The following SOX6 variants were observed in gnomAD, a reference collection of about 807,000 sequenced individuals.
SOX6 encodes the protein transcription factor SOX-6.
In SOX6, 11 loss-of-function variants were observed where a neutral mutation model predicts 97.8. The observed-to-expected ratio is 0.11, with a 90% CI of 0.07 to 0.19. The LOEUF (loss-of-function observed/expected upper bound fraction) is 0.19. SOX6 is among the 10% of genes least tolerant of loss of function. SOX6 has a pLI of 1.00. For missense variants in SOX6, 810 were observed against 1,039.5 expected, an observed-to-expected ratio of 0.78 and a Z score of 3.04; for synonymous variants, 360 against 371.4, an observed-to-expected ratio of 0.97 and a Z score of 0.35.
At chr11:16,338,347 C>A (rs1344729524) in intron 2 of SOX6, among the ~76,000 whole-genome samples, 1 of 151,878 alleles carries the variant, frequency 6.6e-6, no homozygotes, top group Non-Finnish European at 1.5e-5. Flanking sequence ...TCCTCCCACT[C>A]CAACACACAC....
At position 16,625,953 on chromosome 11, in the gene SOX6, G is replaced by A. The variant is rs2133992163; in HGVS notation, n.430-13693C>T. 2.0e-5 allele frequency among the ~76,000 whole-genome samples: 3 copies of A among 152,274 alleles called. No individual in the cohort carries two copies. In the South Asian group the frequency reaches 6.2e-4, roughly 32 times the overall value. On this transcript the variant is annotated intron_variant and non_coding_transcript_variant, in intron 3 of 5. Coordinates refer to the SOX6 transcript ENST00000524520. Reference sequence around the variant, plus strand: ...TTATTGAACCAAAGGATGGGGTTGTGGGAACTTCTGATTTACAGCAGGCTG... The same window carrying A: ...TTATTGAACCAAAGGATGGGGTTGTAGGAACTTCTGATTTACAGCAGGCTG...
At chr11:16,141,744 C>G (rs1335626501) in intron 6 of SOX6, among the ~76,000 whole-genome samples, 1 of 152,114 alleles carries the variant, frequency 6.6e-6, no homozygotes, top group African/African-American at 2.4e-5. Flanking sequence ...ACCCACGGAA[C>G]CTCACTAATT....
intron 4 of SOX6, among the ~76,000 whole-genome samples, chr11:16,188,208 T>C (rs1851533832): frequency 6.8e-6 from 1 of 147,532 alleles, no homozygotes; most frequent in South Asian, 2.2e-4. Context: ...TATCGTGGGA[T>C]TCTTAATGTC....
intron 9 of SOX6, among the ~76,000 whole-genome samples, chr11:16,065,138 C>T (rs1000395021): frequency 1.3e-5 from 2 of 151,974 alleles, no homozygotes; most frequent in Non-Finnish European, 2.9e-5. Flanking sequence ...CACAAAAACC[C>T]TATTAGAACT....
chr11:16,271,002 C>T (rs1854242814), intron 3 of SOX6, among the ~76,000 whole-genome samples: 1 of 151,142 alleles, frequency 6.6e-6, no homozygotes, highest in South Asian at 2.1e-4. Flanking sequence ...CTTAAAATGG[C>T]TAAAACTGTA....
In SOX6 at chr11:16,551,091, G is replaced by A. The variant is rs1374410183; in HGVS notation, n.609+60990C>T. ...CCAGATGTGGTAGCACACACCTATA[G>A]TCCCAGCTACTCGTGAGGCTGAAGC... On this transcript the variant is annotated intron_variant and non_coding_transcript_variant, in intron 4 of 5. Transcript: ENST00000524520. 2.0e-5 allele frequency among the ~76,000 whole-genome samples: 3 copies of A among 152,172 alleles called. No homozygotes were observed. The East Asian group carries it at 5.8e-4, about 29-fold the overall frequency.
chr11:16,540,597 TA>T (rs199516737), intron 4 of SOX6, among the ~76,000 whole-genome samples: 13,804 of 152,188 alleles, frequency 0.091, 790 homozygotes, highest in Non-Finnish European at 0.14. Context: ...AAAATCTCCT[TA>T]AGCTGATAAG....
At position 16,585,681 on chromosome 11, in the gene SOX6, C is replaced by CTTTTT. The variant is rs35531411; in HGVS notation, n.609+26395_609+26399dup. ...TCAACGGAGAATTTTTTTTTTTTTA[C>CTTTTT]TTTTTTTTTTTTTTTTTTTGAGACA... On this transcript the variant is annotated intron_variant and non_coding_transcript_variant, in intron 4 of 5. Transcript: ENST00000524520. 6.0e-4 allele frequency among the ~76,000 whole-genome samples: 65 copies of CTTTTT among 108,328 alleles called. 1 individual carries two copies. Among genetic ancestry groups the CTTTTT allele is most frequent in the Non-Finnish European group, 8.3e-4 (47 of 56,774 alleles). The allele number at this position is 108,328 out of a possible 152,430, so 71.1% of individuals were successfully genotyped here. A position where few individuals can be genotyped will look rare whatever the true frequency, so the allele number is the denominator to read the frequency against.
intron 2 of SOX6, among the ~76,000 whole-genome samples, chr11:16,332,548 C>G (rs542122446): frequency 1.2e-3 from 178 of 152,094 alleles, no homozygotes; most frequent in Non-Finnish European, 1.4e-3. Context: ...AATTTCCAAT[C>G]ATTTTATTAA....
rs1343054834 is a variant in SOX6 at position 15,972,676 on chromosome 11, A to ACTT, written c.*130_*132dup. ...TCAGGGAAAACTTAATCTGTCTCAC[A>ACTT]CTTTACGAAACAATTAAGACCATTC... is the stretch of plus-strand genomic sequence containing the variant. On this transcript the variant is annotated 3_prime_UTR_variant, in exon 16 of 16. Coordinates refer to ENST00000683767, the MANE Select transcript of SOX6 (RefSeq NM_001367873.1). 1.0e-6 allele frequency: 1 copy of ACTT among 966,036 alleles called. No homozygotes were observed. Among genetic ancestry groups the ACTT allele is most frequent in the African/African-American group, 1.6e-5 (1 of 61,092 alleles). 59.8% of individuals were successfully genotyped at this position (966,036 alleles called of 1,614,324 possible).
chr11:15,985,699 C>T (rs563566665), intron 15 of SOX6, among the ~76,000 whole-genome samples: 11 of 152,148 alleles, frequency 7.2e-5, no homozygotes, highest in African/African-American at 2.7e-4. Context: ...ACTGCTCCCA[C>T]CACAGAATAA....
At chr11:16,516,406 G>T (rs1860974713) in intron 4 of SOX6, among the ~76,000 whole-genome samples, 1 of 152,180 alleles carries the variant, frequency 6.6e-6, no homozygotes, top group South Asian at 2.1e-4. Context: ...TTTGTATCCT[G>T]AGACTTTGCT....
chr11:16,731,113 A>G (rs564305059), intron 2 of SOX6, among the ~76,000 whole-genome samples: 3 of 152,328 alleles, frequency 2.0e-5, no homozygotes, highest in African/African-American at 7.2e-5. Context: ...TTAATAGCCT[A>G]CCAACAAAAA....
intron 3 of SOX6, among the ~76,000 whole-genome samples, chr11:16,295,491 C>A (rs1251309245): frequency 6.6e-6 from 1 of 151,992 alleles, no homozygotes; most frequent in Non-Finnish European, 1.5e-5. Flanking sequence ...ATACCACCCC[C>A]CCTCATCTTT....
chr11:16,692,904 T>C (rs1249949064), intron 3 of SOX6, among the ~76,000 whole-genome samples: 1 of 152,208 alleles, frequency 6.6e-6, no homozygotes, highest in Non-Finnish European at 1.5e-5. Flanking sequence ...TATTATGCAT[T>C]ACACTGAATC....
chr11:16,425,820 C>T (rs979324314), intron 1 of SOX6, among the ~76,000 whole-genome samples: 7 of 151,954 alleles, frequency 4.6e-5, no homozygotes, highest in Non-Finnish European at 8.8e-5. Flanking sequence ...AGAGATGACA[C>T]ATATAAATGG....
chr11:16,591,526 A>G (rs943804110), intron 4 of SOX6, among the ~76,000 whole-genome samples: 1 of 152,142 alleles, frequency 6.6e-6, no homozygotes, highest in Admixed American at 6.6e-5. Context: ...TTTTGAAAAC[A>G]TGTTTGAAAA....
At chr11:16,028,758 A>C (rs1402080192) in intron 12 of SOX6, among the ~76,000 whole-genome samples, 1 of 152,216 alleles carries the variant, frequency 6.6e-6, no homozygotes, top group Non-Finnish European at 1.5e-5. Flanking sequence ...GAGAGCCAGC[A>C]AACAGAGCGG....
chr11:16,291,398 T>C (rs1295192545), intron 3 of SOX6, among the ~76,000 whole-genome samples: 1 of 151,260 alleles, frequency 6.6e-6, no homozygotes, highest in Admixed American at 6.6e-5. Context: ...AACAAATAAA[T>C]GAGTGAAAGG....
Sources: allele counts gnomAD v4.1 joint callset (sites outside exome capture counted in the v4.1 genomes callset), GRCh38; gene constraint gnomAD v4.1.1; transcripts MANE v1.5; gene names NCBI Gene and HGNC (gene_info 2026-07-23, HGNC 2026-07-21).